Variants in LRRC39 observed in about 807,000 individuals in gnomAD.
The protein encoded by LRRC39 is leucine-rich repeat-containing protein 39.
In LRRC39, 35 loss-of-function variants were observed where a neutral mutation model predicts 39.7. The ratio of observed to expected loss-of-function variants is 0.88; its 90% CI spans 0.67 to 1.17. The LOEUF (loss-of-function observed/expected upper bound fraction) is 1.17, where lower values mean the gene tolerates loss of function less well. Ranked by LOEUF, LRRC39 falls within the 50% of genes most tolerant of loss-of-function variation. LRRC39 has a pLI of 0.00. For synonymous variants in LRRC39, 113 were observed against 134.1 expected, an observed-to-expected ratio of 0.84 and a Z score of 1.09; for missense variants, 357 against 385.8, an observed-to-expected ratio of 0.93 and a Z score of 0.62.
intron 1 of LRRC39, among the ~76,000 whole-genome samples, chr1:100,176,097 T>A (rs545880374): frequency 3.2e-4 from 48 of 152,322 alleles, no homozygotes; most frequent in South Asian, 6.2e-4. Context: ...CAGCAATGTT[T>A]TACATGATAG....
At chr1:100,172,412 C>T (rs555558685) in intron 2 of LRRC39, among the ~76,000 whole-genome samples, 8 of 152,268 alleles carry the variant, frequency 5.3e-5, no homozygotes, top group African/African-American at 9.6e-5. Context: ...ACTGGCCAGG[C>T]GCACTGGCTC....
At chr1:100,152,878 C>T (rs1459469824) in intron 8 of LRRC39, among the ~76,000 whole-genome samples, 1 of 152,134 alleles carries the variant, frequency 6.6e-6, no homozygotes, top group Non-Finnish European at 1.5e-5. Context: ...AGGTGCACAC[C>T]ATGACGCCCG....
At chr1:100,165,873 C>CT (rs370682819) in intron 3 of LRRC39, among the ~76,000 whole-genome samples, 12,250 of 126,648 alleles carry the variant, frequency 0.097, 1,002 homozygotes, top group African/African-American at 0.21. Flanking sequence ...TTTCCCCTTT[C>CT]TTTTTTTTTT....
chr1:100,179,398 A>T (rs1048411894), upstream of LRRC39, among the ~76,000 whole-genome samples: 8 of 147,570 alleles, frequency 5.4e-5, no homozygotes, highest in Non-Finnish European at 1.2e-4. Context: ...TCAAGATCTC[A>T]CACCTGTAAT....
chr1:100,162,431 G>C (rs1366386317), intron 3 of LRRC39, among the ~76,000 whole-genome samples: 2 of 152,024 alleles, frequency 1.3e-5, no homozygotes, highest in African/African-American at 4.8e-5. Flanking sequence ...GAGGCAGGTG[G>C]AGTTCGAGAC....
At position 100,168,545 on chromosome 1, in the gene LRRC39, C is replaced by T; in HGVS notation, c.-29G>A. The T allele has an allele frequency of 6.5e-7, 1 of 1,542,962 alleles. No homozygotes were observed. Among genetic ancestry groups the T allele is most frequent in the Non-Finnish European group, 8.9e-7 (1 of 1,123,652 alleles). On this transcript the variant is annotated 5_prime_UTR_variant, in exon 3 of 10. Transcript: ENST00000370137. ...TTCTCCACATTGTCATAGTCACCAA[C>T]TTCATTAGGTTTTGAATAGCTGAAT...
At chr1:100,150,209 T>A (rs1285416803) in intron 9 of LRRC39, 1 of 152,128 alleles carries the variant, frequency 6.6e-6, no homozygotes, top group Non-Finnish European at 1.5e-5. Flanking sequence ...TATTAACTAG[T>A]AATAGTAGTG....
At chr1:100,156,008 T>C (rs762207274) in intron 7 of LRRC39, among the ~76,000 whole-genome samples, 164 bp downstream of exon 7, 14 of 152,238 alleles carry the variant, frequency 9.2e-5, no homozygotes, top group Non-Finnish European at 1.8e-4. Flanking sequence ...CAAACCCTTT[T>C]ACTTACTTGG....
intron 3 of LRRC39, 124 bp from the exon 4 acceptor site, chr1:100,160,695 GCC>G: frequency 1.7e-6 from 1 of 605,462 alleles, no homozygotes; most frequent in Non-Finnish European, 2.7e-6. Flanking sequence ...CCCGATCTCG[GCC>G]CACTGCAACC....
intron 3 of LRRC39, among the ~76,000 whole-genome samples, chr1:100,167,751 G>A (rs1659339979): frequency 6.7e-6 from 1 of 149,940 alleles, no homozygotes; most frequent in Non-Finnish European, 1.5e-5. Flanking sequence ...ACTCCAGCCT[G>A]GGCGACAGAG....
At chr1:100,172,048 A>G (rs1659649392) in intron 2 of LRRC39, among the ~76,000 whole-genome samples, 1 of 152,196 alleles carries the variant, frequency 6.6e-6, no homozygotes, top group African/African-American at 2.4e-5. Flanking sequence ...AATATTATAG[A>G]TAAACACACA....
intron 9 of LRRC39, among the ~76,000 whole-genome samples, chr1:100,152,069 G>A (rs1267254252): frequency 6.6e-6 from 1 of 152,140 alleles, no homozygotes; most frequent in Non-Finnish European, 1.5e-5. Context: ...TGGTCAAACT[G>A]CTATGTGTGG....
chr1:100,171,844 A>G (rs1160766226), intron 2 of LRRC39, among the ~76,000 whole-genome samples: 2 of 152,068 alleles, frequency 1.3e-5, no homozygotes, highest in African/African-American at 2.4e-5. Flanking sequence ...CAAAGAAGCT[A>G]TCATCATGAA....
chr1:100,154,599 GAAAC>G (rs879267354), intron 8 of LRRC39, among the ~76,000 whole-genome samples: 1 of 152,048 alleles, frequency 6.6e-6, no homozygotes, highest in Non-Finnish European at 1.5e-5. Flanking sequence ...ATTTTAATAA[GAAAC>G]AAATTCAATG....
At chr1:100,156,085 G>A (rs1333722238) in intron 7 of LRRC39, 87 bp downstream of exon 7, 3 of 1,278,066 alleles carry the variant, frequency 2.3e-6, no homozygotes, top group African/African-American at 3.0e-5. Flanking sequence ...GATTGATTAT[G>A]CTTGAGATCC....
intron 9 of LRRC39, among the ~76,000 whole-genome samples, chr1:100,151,277 C>T (rs1038067461): frequency 1.3e-5 from 2 of 152,038 alleles, no homozygotes; most frequent in Non-Finnish European, 2.9e-5. Flanking sequence ...CAAAAACATT[C>T]ATTGTAAACT....
Position 100,168,459 on chromosome 1 carries a change from T to C in LRRC39, c.58A>G (p.Lys20Glu), listed in dbSNP as rs929168180. The C allele has an allele frequency of 1.9e-6, 3 of 1,612,720 alleles. No homozygotes were observed. The African/African-American group carries it at 4.0e-5, about 22-fold the overall frequency. ...AVNAVKEVWE[K>E]RIKKLNEDLK... is the part of the protein sequence containing the mutation. Reference sequence around the variant, plus strand: ...TCTTCATTGAGTTTCTTTATTCTTTTTTCCCAAACTTCCTTTACAGCATTG... The same window carrying C: ...TCTTCATTGAGTTTCTTTATTCTTTCTTCCCAAACTTCCTTTACAGCATTG... Residue 20 changes from lysine (K) to glutamate (E), a missense_variant, in exon 3 of 10, where the codon AAA becomes GAA. Physicochemically the swap from Lys to Glu is moderately conservative, Grantham distance 56. Coordinates refer to ENST00000370137, the MANE Select transcript of LRRC39 (RefSeq NM_144620.4).
chr1:100,163,524 T>G (rs1209900293), intron 3 of LRRC39, among the ~76,000 whole-genome samples: 1 of 151,642 alleles, frequency 6.6e-6, no homozygotes, highest in East Asian at 1.9e-4. Context: ...CTATAAAATG[T>G]GAGGTTATAA....
intron 2 of LRRC39, among the ~76,000 whole-genome samples, chr1:100,170,656 A>G (rs1557929260): frequency 6.6e-6 from 1 of 152,068 alleles, no homozygotes; most frequent in Non-Finnish European, 1.5e-5. Flanking sequence ...TTTCTTTTTT[A>G]TATCTTTATT....
Sources: allele counts gnomAD v4.1 joint callset (sites outside exome capture counted in the v4.1 genomes callset), GRCh38; gene constraint gnomAD v4.1.1; transcripts MANE v1.5; gene names NCBI Gene and HGNC (gene_info 2026-07-23, HGNC 2026-07-21).